MAP3K11: variants seen among roughly 807,000 people sequenced by gnomAD.
MAP3K11 encodes the protein SH3 domain-containing proline-rich kinase.
A neutral mutation model predicts 84.9 loss-of-function variants in MAP3K11; 46 were observed. The ratio of observed to expected loss-of-function variants is 0.54; its 90% CI spans 0.43 to 0.69. The LOEUF (loss-of-function observed/expected upper bound fraction) is 0.69, where lower values mean the gene tolerates loss of function less well. MAP3K11 is among the 30% of genes least tolerant of loss of function. MAP3K11 has a pLI of 0.00. For missense variants in MAP3K11, 1,053 were observed against 1,198.3 expected (o/e 0.88, Z 1.79); for synonymous variants, 527 against 514.7 (o/e 1.02, Z -0.32).
At position 65,613,149 on chromosome 11, in the gene MAP3K11, C is replaced by G; in HGVS notation, c.608G>C (p.Arg203Pro). 1.3e-6 allele frequency: 2 copies of G among 1,592,004 alleles called. No individual in the cohort carries two copies. The highest frequency in any genetic ancestry group is 1.7e-6 in the Non-Finnish European group (2 of 1,168,794). Reference sequence around the variant, plus strand: ...AGGCACGCGCCGCCCGGCCAGAGCTCGGCTGAGGGGCCCACCGGCTGCATA... The same window carrying G: ...AGGCACGCGCCGCCCGGCCAGAGCTGGGCTGAGGGGCCCACCGGCTGCATA... Reference protein sequence around the residue: ...MEYAAGGPLSRALAGRRVPPH... With the variant: ...MEYAAGGPLSPALAGRRVPPH... The change falls in exon 1 of 10, where the codon CGA (arginine) becomes CCA (proline). Residue 203 changes from arginine (R) to proline (P), a missense_variant. Arg to Pro is a moderately radical substitution (Grantham distance 103). Around this residue, in one of 3 missense-constraint regions of MAP3K11, gnomAD observed 310 missense variants for 464.5 expected, o/e 0.67. Transcript: ENST00000309100.
chr11:65,600,513 CAGT>C (rs890093118), intron 8 of MAP3K11, among the ~76,000 whole-genome samples: 1 of 152,218 alleles, frequency 6.6e-6, no homozygotes, highest in Admixed American at 6.5e-5. Context: ...CAGGCAAGGG[CAGT>C]AGAACCTTTG....
intron 1 of MAP3K11, chr11:65,612,790 G>C: frequency 2.4e-6 from 1 of 421,926 alleles, no homozygotes; most frequent in Non-Finnish European, 4.1e-6. Context: ...CCAAACCGCA[G>C]CTGCAGGCTG....
At chr11:65,607,577 G>A in intron 4 of MAP3K11, 64 bp from the exon 5 acceptor site, 2 of 1,555,026 alleles carry the variant, frequency 1.3e-6, no homozygotes, top group South Asian at 2.4e-5. Context: ...CGCCCGCCCC[G>A]ACTCTGCCCC....
In MAP3K11 at chr11:65,613,980, G is replaced by A. The variant is rs1197927035; in HGVS notation, c.-224C>T. ...CAGGGCAGTGTGGTCAGGCCGGGGG[G>A]GTGGGGCCCCGGGGCCTCCGGCGCC... On this transcript the variant is annotated 5_prime_UTR_variant, in exon 1 of 10. Coordinates refer to ENST00000309100, the MANE Select transcript of MAP3K11 (RefSeq NM_002419.4). 3.5e-6 allele frequency: 2 copies of A among 576,876 alleles called. No homozygotes were observed. Among genetic ancestry groups the A allele is most frequent in the Non-Finnish European group, 5.8e-6 (2 of 342,840 alleles). The allele number at this position is 576,876 out of a possible 1,614,324, so 35.7% of individuals were successfully genotyped here.
intron 1 of MAP3K11, 154 bp downstream of exon 1, chr11:65,612,864 G>C: frequency 1.3e-6 from 1 of 786,514 alleles, no homozygotes; most frequent in South Asian, 3.4e-5. Flanking sequence ...TCTGTTTGGG[G>C]GCTAGCTTGA....
At position 65,607,993 on chromosome 11, in the gene MAP3K11, C is replaced by T; in HGVS notation, c.998G>A (p.Gly333Asp). 6.2e-7 allele frequency: 1 copy of T among 1,614,214 alleles called. No homozygotes were observed. Among genetic ancestry groups the T allele is most frequent in the Non-Finnish European group, 8.5e-7 (1 of 1,180,042 alleles). ...RGIDCLAVAYGVAVNKLTLPI... is the reference protein window; with the variant it reads ...RGIDCLAVAYDVAVNKLTLPI... The stretch of plus-strand genomic sequence containing the variant: ...CAGTGTGAGCTTGTTAACAGCTACG[C>T]CATAGGCCACAGCAAGGCAGTCAAT... The change falls in exon 3 of 10, where the codon GGC (glycine) becomes GAC (aspartate). Residue 333 changes from glycine (G) to aspartate (D), a missense_variant. Gly to Asp is a moderately conservative substitution (Grantham distance 94). This residue lies in a region of MAP3K11 where 310 missense variants were observed against 464.5 expected (regional missense o/e 0.67). Coordinates refer to ENST00000309100, the MANE Select transcript of MAP3K11 (RefSeq NM_002419.4).
rs780952481 is a variant in MAP3K11 at position 65,598,538 on chromosome 11, C to T, written c.2297G>A (p.Arg766Gln). The change falls in exon 10 of 10, where the codon CGA becomes CAA. Residue 766 changes from arginine (R) to glutamine (Q), a missense_variant. By Grantham distance (43) the Arg-to-Gln change is conservative (BLOSUM62 1). Coordinates refer to ENST00000309100, the MANE Select transcript of MAP3K11 (RefSeq NM_002419.4). The part of the protein sequence containing the change: ...PRSPPLGLIS[R>Q]PRPSPLRSRI... ...GCTGCGAAGGGGCGAGGGCCGAGGTCGGCTGATGAGGCCCAGGGGTGGTGA... is the reference window on the plus strand; with the variant it reads ...GCTGCGAAGGGGCGAGGGCCGAGGTTGGCTGATGAGGCCCAGGGGTGGTGA... The T allele has an allele frequency of 7.4e-6, 12 of 1,611,378 alleles. No individual in the cohort carries two copies. The highest frequency in any genetic ancestry group is 4.5e-5 in the East Asian group (2 of 44,808).
At position 65,598,430 on chromosome 11, in the gene MAP3K11, G is replaced by A. The variant is rs777274087; in HGVS notation, c.2405C>T (p.Pro802Leu). ...PSPQPAPRRA[P>L]WTLFPDSDPF... ...GTCTGAGTCCGGGAACAAGGTCCAG[G>A]GTGCTCGGCGGGGTGCAGGCTGTGG... The change falls in exon 10 of 10, where the codon CCC becomes CTC. Residue 802 changes from proline to leucine, a missense_variant. Pro to Leu is a moderately conservative substitution (Grantham distance 98). Transcript: ENST00000309100. The A allele has an allele frequency of 3.7e-6, 6 of 1,604,682 alleles. No individual in the cohort carries two copies. The highest frequency in any genetic ancestry group is 1.7e-4 in the Middle Eastern group (1 of 6,022).
Position 65,599,486 on chromosome 11 carries a change from G to C in MAP3K11, c.2114C>G (p.Ser705Cys). 6.0e-6 allele frequency: 9 copies of C among 1,502,260 alleles called. No homozygotes were observed. The highest frequency in any genetic ancestry group is 7.9e-6 in the Non-Finnish European group (9 of 1,132,474). 93.1% of individuals were successfully genotyped at this position (1,502,260 alleles called of 1,614,324 possible). A position where few individuals can be genotyped will look rare whatever the true frequency, so the allele number is the denominator to read the frequency against. ...CAACAGGGGTGCAGGAGTGGGCGGG[G>C]AGTCGGGCGTCTTGAGCGAGAAGCA... ...LICFSLKTPDSPPTPAPLLLD... is the reference protein window; with the variant it reads ...LICFSLKTPDCPPTPAPLLLD... The change falls in exon 9 of 10, where the codon TCC becomes TGC. Residue 705 changes from serine to cysteine, a missense_variant. Coordinates refer to ENST00000309100, the MANE Select transcript of MAP3K11 (RefSeq NM_002419.4).
chr11:65,606,130 T>C lies in MAP3K11; in HGVS notation c.1604-49A>G, dbSNP rs750644193. On this transcript the variant is annotated intron_variant, in intron 6 of 9. Coordinates refer to ENST00000309100, the MANE Select transcript of MAP3K11 (RefSeq NM_002419.4). ...GGAGATAATCTTTATTCTCCCTCCA[T>C]CATCACAGTCAGGCTTCAGAGATAA... is the stretch of plus-strand genomic sequence containing the variant. 4.6e-6 allele frequency: 7 copies of C among 1,523,710 alleles called. No homozygotes were observed. The South Asian group carries it at 7.6e-5, about 17-fold the overall frequency. 94.4% of individuals were successfully genotyped at this position (1,523,710 alleles called of 1,614,324 possible).
At chr11:65,601,941 C>T (rs1854460511) in intron 8 of MAP3K11, among the ~76,000 whole-genome samples, 1 of 151,856 alleles carries the variant, frequency 6.6e-6, no homozygotes, top group South Asian at 2.1e-4. Context: ...CGGTGGCTCA[C>T]ACCTGTAATC....
At position 65,613,843 on chromosome 11, in the gene MAP3K11, C is replaced by T. The variant is rs188186435; in HGVS notation, c.-87G>A. On this transcript the variant is annotated 5_prime_UTR_variant, in exon 1 of 10. Coordinates refer to ENST00000309100, the MANE Select transcript of MAP3K11 (RefSeq NM_002419.4). ...CCGCTGGCTGCCAAGGCCCTAGTCC[C>T]GGAACCTGGGCATCCGGGCCCTGGC... The T allele has an allele frequency of 4.8e-4, 681 of 1,408,114 alleles. 4 individuals carry two copies. The African/African-American group carries it at 8.9e-3, about 18-fold the overall frequency. The allele number at this position is 1,408,114 out of a possible 1,614,324, so 87.2% of individuals were successfully genotyped here. A position where few individuals can be genotyped will look rare whatever the true frequency, so the allele number is the denominator to read the frequency against.
chr11:65,604,630 C>T (rs1854487564), intron 8 of MAP3K11, among the ~76,000 whole-genome samples: 1 of 152,210 alleles, frequency 6.6e-6, no homozygotes, highest in South Asian at 2.1e-4. Context: ...CTACTACTCC[C>T]CTCACAGAAC....
At chr11:65,602,207 A>G (rs1325293888) in intron 8 of MAP3K11, among the ~76,000 whole-genome samples, 1 of 149,442 alleles carries the variant, frequency 6.7e-6, no homozygotes, top group Admixed American at 6.7e-5. Flanking sequence ...CATCTCAAAA[A>G]AAAAAAAAAA....
intron 8 of MAP3K11, among the ~76,000 whole-genome samples, chr11:65,603,791 G>A (rs953788740): frequency 3.9e-5 from 6 of 152,248 alleles, no homozygotes; most frequent in Non-Finnish European, 8.8e-5. Flanking sequence ...CAGCCAGGAA[G>A]GGCACTGGTG....
Position 65,613,376 on chromosome 11 carries a change from G to A in MAP3K11, c.381C>T (p.Gly127=). Residue 127 remains glycine, a synonymous_variant, in exon 1 of 10, where the codon GGC becomes GGT. Transcript: ENST00000309100. ...LRLEEVIGIG[G]FGKVYRGSWR... ...AGCTGCCCCTGTACACCTTGCCAAA[G>A]CCTCCAATGCCGATCACCTCCTCCA... 1 of 1,612,758 alleles carries A rather than the reference G, an allele frequency of 6.2e-7. No individual in the cohort carries two copies. The highest frequency in any genetic ancestry group is 8.5e-7 in the Non-Finnish European group (1 of 1,179,762).
chr11:65,600,430 G>A (rs1445393006), intron 8 of MAP3K11, among the ~76,000 whole-genome samples: 1 of 152,228 alleles, frequency 6.6e-6, no homozygotes, highest in African/African-American at 2.4e-5. Flanking sequence ...ATGCCCCAGG[G>A]GTTCCAGGCT....
At chr11:65,599,170 T>G (rs1360327439) in intron 9 of MAP3K11, among the ~76,000 whole-genome samples, 1 of 152,170 alleles carries the variant, frequency 6.6e-6, no homozygotes, top group East Asian at 1.9e-4. Flanking sequence ...ATTACTTCTT[T>G]TATTTCACAG....
intron 1 of MAP3K11, chr11:65,611,034 A>T (rs1854565879): frequency 6.6e-6 from 1 of 152,214 alleles, no homozygotes; most frequent in South Asian, 2.1e-4. Context: ...AAACTGGGGG[A>T]AGCTCTCAGT....
Sources: allele counts gnomAD v4.1 joint callset (sites outside exome capture counted in the v4.1 genomes callset), GRCh38; gene constraint gnomAD v4.1.1; regional missense constraint gnomAD v4.1.1; transcripts MANE v1.5; gene names NCBI Gene and HGNC (gene_info 2026-07-23, HGNC 2026-07-21).